The following FNDC3A variants were observed in gnomAD, a reference collection of about 807,000 sequenced individuals.
FNDC3A encodes the protein fibronectin type III domain containing 3A, also known as fibronectin type-III domain-containing protein 3A.
A neutral mutation model predicts 148.9 loss-of-function variants in FNDC3A; 32 were observed. The ratio of observed to expected loss-of-function variants is 0.21; its 90% confidence interval spans 0.16 to 0.29. FNDC3A has a LOEUF of 0.29. FNDC3A is among the 10% of genes least tolerant of loss of function. FNDC3A has a pLI of 1.00. For synonymous variants in FNDC3A, 472 were observed against 473.6 expected (o/e 1.00, Z 0.04); for missense variants, 1,191 against 1,452.8 (o/e 0.82, Z 2.93).
At chr13:49,168,439 A>G (rs1211072680) in intron 9 of FNDC3A, among the ~76,000 whole-genome samples, 174 bp from the exon 10 acceptor site, 2 of 151,650 alleles carry the variant, frequency 1.3e-5, no homozygotes, top group Non-Finnish European at 2.9e-5. Context: ...AGCAAAAAAG[A>G]AAAAAAAACT....
intron 2 of FNDC3A, among the ~76,000 whole-genome samples, chr13:49,018,241 A>C (rs1478570509): frequency 3.3e-5 from 5 of 152,280 alleles, no homozygotes; most frequent in African/African-American, 1.2e-4. Flanking sequence ...AGGTACACCA[A>C]TCAGACGTAG....
chr13:49,204,014 A>G (rs1459336153), intron 25 of FNDC3A, among the ~76,000 whole-genome samples: 1 of 152,226 alleles, frequency 6.6e-6, no homozygotes, highest in Non-Finnish European at 1.5e-5. Context: ...TGTTTTGACT[A>G]TAGTGTTGAA....
chr13:49,035,864 T>G (rs1020995422), intron 2 of FNDC3A, among the ~76,000 whole-genome samples: 1 of 152,148 alleles, frequency 6.6e-6, no homozygotes, highest in African/African-American at 2.4e-5. Context: ...TGAGTTATTA[T>G]CCATCATGGA....
At position 49,086,491 on chromosome 13, in the gene FNDC3A, G is replaced by A. The variant is rs139763011; in HGVS notation, c.175+11127G>A. On this transcript the variant is annotated intron_variant, in intron 3 of 25. Coordinates refer to ENST00000492622, the MANE Select transcript of FNDC3A (RefSeq NM_001079673.2). ...TGTCTTAAATGTATTTTAATAATACGGAGATTGATATTATAAGAATTTTTT... is the reference window on the plus strand; with the variant it reads ...TGTCTTAAATGTATTTTAATAATACAGAGATTGATATTATAAGAATTTTTT... Among the ~76,000 whole-genome samples, 269 of 152,114 alleles carry A rather than the reference G, an allele frequency of 1.8e-3. 2 individuals carry two copies. Among genetic ancestry groups the A allele is most frequent in the East Asian group, 0.01 (52 of 5,180 alleles).
intron 2 of FNDC3A, among the ~76,000 whole-genome samples, chr13:49,054,552 C>G (rs532694957): frequency 6.6e-6 from 1 of 152,344 alleles, no homozygotes; most frequent in Admixed American, 6.5e-5. Flanking sequence ...CACATGTTCT[C>G]ATAGTGCATA....
At chr13:49,057,119 T>A (rs1406108938) in intron 2 of FNDC3A, among the ~76,000 whole-genome samples, 3 of 152,182 alleles carry the variant, frequency 2.0e-5, no homozygotes, top group Non-Finnish European at 4.4e-5. Context: ...TGGGGGTTAT[T>A]TTTTTGTCTA....
At chr13:49,047,480 A>G (rs114292929) in intron 2 of FNDC3A, among the ~76,000 whole-genome samples, 2,351 of 152,158 alleles carry the variant, frequency 0.015, 61 homozygotes, top group African/African-American at 0.052. Context: ...TTTTTTTGTT[A>G]TGGCCATTCT....
intron 2 of FNDC3A, among the ~76,000 whole-genome samples, chr13:49,023,156 ATCAG>A (rs1190385481): frequency 2.0e-5 from 3 of 152,192 alleles, no homozygotes; most frequent in South Asian, 2.1e-4. Flanking sequence ...TTCATAAAAT[ATCAG>A]TCAGGAACAG....
rs1401875407 is a variant in FNDC3A, at chr13:49,028,480, T to TC, written c.99+22193dup. ...GTCTCAAACTCCTGACTTCAAGTGA[T>TC]CCTCCAACCTCATCTTCCCAAAGTG... is the stretch of plus-strand genomic sequence containing the variant. On this transcript the variant is annotated intron_variant, in intron 2 of 25. Transcript: ENST00000492622. 2.0e-5 allele frequency among the ~76,000 whole-genome samples: 3 copies of TC among 151,988 alleles called. No homozygotes were observed. The East Asian group carries it at 5.9e-4, about 30-fold the overall frequency.
chr13:49,023,421 G>A (rs1046430223), intron 2 of FNDC3A, among the ~76,000 whole-genome samples: 23 of 151,178 alleles, frequency 1.5e-4, no homozygotes, highest in South Asian at 1.0e-3. Context: ...ATTTTGTAGC[G>A]TTTTTATACT....
chr13:49,028,078 G>C (rs1873847480), intron 2 of FNDC3A, among the ~76,000 whole-genome samples: 1 of 151,890 alleles, frequency 6.6e-6, no homozygotes, highest in African/African-American at 2.4e-5. Context: ...CCAGGTGTCT[G>C]GTGTCACCCA....
At chr13:49,078,691 T>C (rs537571324) in intron 3 of FNDC3A, among the ~76,000 whole-genome samples, 105 of 152,348 alleles carry the variant, frequency 6.9e-4, no homozygotes, top group African/African-American at 2.3e-3. Flanking sequence ...AAAAGACTTC[T>C]GGAGTTCATT....
At chr13:49,203,992 C>T (rs573913149) in intron 25 of FNDC3A, among the ~76,000 whole-genome samples, 1 of 152,234 alleles carries the variant, frequency 6.6e-6, no homozygotes, top group Admixed American at 6.5e-5. Flanking sequence ...TTCACGTGAT[C>T]AGACACAACG....
chr13:48,990,910 A>T (rs1951903600), intron 1 of FNDC3A, among the ~76,000 whole-genome samples: 1 of 151,988 alleles, frequency 6.6e-6, no homozygotes, highest in Non-Finnish European at 1.5e-5. Flanking sequence ...AGTAATAAGT[A>T]AAACATGTGT....
chr13:48,988,294 T>G (rs1308591660), intron 1 of FNDC3A, among the ~76,000 whole-genome samples: 2 of 152,162 alleles, frequency 1.3e-5, no homozygotes, highest in South Asian at 2.1e-4. Flanking sequence ...CTGGATCAAG[T>G]GGACTTAACA....
intron 8 of FNDC3A, among the ~76,000 whole-genome samples, chr13:49,149,770 G>A (rs1203934284): frequency 6.6e-6 from 1 of 152,072 alleles, no homozygotes; most frequent in Non-Finnish European, 1.5e-5. Flanking sequence ...GAGAATTGGT[G>A]TTCCTTAAAA....
intron 2 of FNDC3A, among the ~76,000 whole-genome samples, chr13:49,053,112 A>G (rs1875968731): frequency 6.6e-6 from 1 of 152,196 alleles, no homozygotes; most frequent in African/African-American, 2.4e-5. Context: ...CTAGGCAGCT[A>G]GTGACTAGGG....
chr13:49,028,086 C>T (rs992469859), intron 2 of FNDC3A, among the ~76,000 whole-genome samples: 3 of 151,702 alleles, frequency 2.0e-5, no homozygotes, highest in African/African-American at 7.3e-5. Context: ...CTGGTGTCAC[C>T]CACCTGTAGT....
chr13:49,007,546 A>G (rs1293860147), intron 2 of FNDC3A, among the ~76,000 whole-genome samples: 1 of 152,200 alleles, frequency 6.6e-6, no homozygotes, highest in East Asian at 1.9e-4. Context: ...AAAAGAATCT[A>G]TTAAGCAGTT....
Sources: gnomAD v4.1 joint callset for allele counts (sites outside exome capture counted in the v4.1 genomes callset) on GRCh38, gnomAD v4.1.1 for gene constraint, MANE v1.5 for transcripts, NCBI Gene and HGNC (gene_info 2026-07-23, HGNC 2026-07-21) for gene names.